The following MSRB3 variants were observed in gnomAD, a reference collection of about 807,000 sequenced individuals.
The protein encoded by MSRB3 is methionine-R-sulfoxide reductase B3.
Under a neutral mutation model 21.0 loss-of-function variants are expected in MSRB3, and 13 were observed. That is an observed-to-expected ratio of 0.62 (90% confidence interval 0.40 to 0.98). MSRB3 has a LOEUF of 0.98. MSRB3 is among the 50% of genes least tolerant of loss of function. MSRB3 has a pLI of 0.00. For missense variants in MSRB3, 199 were observed against 230.3 expected, an observed-to-expected ratio of 0.86 and a Z score of 0.88; for synonymous variants, 87 against 88.6, an observed-to-expected ratio of 0.98 and a Z score of 0.10.
chr12:65,357,272 G>A (rs1195662406), intron 4 of MSRB3, among the ~76,000 whole-genome samples: 1 of 151,762 alleles, frequency 6.6e-6, no homozygotes. Context: ...TCCTGAGTCT[G>A]ACTCCTCTTC....
intron 1 of MSRB3, among the ~76,000 whole-genome samples, chr12:65,298,113 C>T (rs1410934240): frequency 6.6e-6 from 1 of 152,088 alleles, no homozygotes; most frequent in African/African-American, 2.4e-5. Context: ...AAGCAATCCT[C>T]CCGCCTCAGC....
chr12:65,287,419 C>T (rs181835773), intron 1 of MSRB3, among the ~76,000 whole-genome samples: 103 of 152,272 alleles, frequency 6.8e-4, no homozygotes, highest in Admixed American at 1.8e-3. Flanking sequence ...TGAGCCTCCA[C>T]GCCCAGTACA....
chr12:65,439,965 G>C (rs1002610894), intron 5 of MSRB3, among the ~76,000 whole-genome samples: 1 of 151,688 alleles, frequency 6.6e-6, no homozygotes, highest in African/African-American at 2.4e-5. Context: ...AGACCAGTCT[G>C]TGAAGCCACC....
intron 5 of MSRB3, among the ~76,000 whole-genome samples, chr12:65,406,310 CA>C (rs1280326882): frequency 3.9e-5 from 6 of 152,048 alleles, no homozygotes; most frequent in Admixed American, 6.6e-5. Context: ...ACAAACTATC[CA>C]AAAAGAAATC....
chr12:65,326,797 T>C (rs373232387), intron 2 of MSRB3, 29 bp from the exon 3 acceptor site: 1 of 1,576,698 alleles, frequency 6.3e-7, no homozygotes, highest in Non-Finnish European at 8.7e-7. Flanking sequence ...CTAAAAAGGC[T>C]TCTTCTCCCA....
At chr12:65,378,337 G>C (rs1003474375) in intron 5 of MSRB3, among the ~76,000 whole-genome samples, 1 of 152,146 alleles carries the variant, frequency 6.6e-6, no homozygotes, top group East Asian at 1.9e-4. Flanking sequence ...CAATAATGCA[G>C]TATAATAGGT....
At chr12:65,349,003 A>G (rs1244160824) in intron 4 of MSRB3, among the ~76,000 whole-genome samples, 1 of 152,026 alleles carries the variant, frequency 6.6e-6, no homozygotes, top group African/African-American at 2.4e-5. Flanking sequence ...GGTGCGCTGC[A>G]CCCACTAACT....
intron 2 of MSRB3, among the ~76,000 whole-genome samples, chr12:65,322,653 T>C (rs1592523721): frequency 2.3e-5 from 2 of 85,994 alleles, no homozygotes; most frequent in African/African-American, 5.6e-5. Flanking sequence ...AGAGCGAGAC[T>C]CCATCTCAAA....
At chr12:65,456,787 T>C (rs1424407202) in intron 6 of MSRB3, among the ~76,000 whole-genome samples, 1 of 152,242 alleles carries the variant, frequency 6.6e-6, no homozygotes, top group African/African-American at 2.4e-5. Flanking sequence ...GTAAGTTCTA[T>C]GCAGGAGAGA....
Position 65,422,388 on chromosome 12 carries a change from GTATATA to G in MSRB3, c.293-31302_293-31297del, listed in dbSNP as rs59746471. On this transcript the variant is annotated intron_variant, in intron 5 of 6. Transcript: ENST00000308259. ...AATTTTTAATTTTTGGGAGTACATA[GTATATA>G]TATATATATATATATATATATATAT... 1.5e-3 allele frequency among the ~76,000 whole-genome samples: 142 copies of G among 92,448 alleles called. 4 individuals carry two copies. The highest frequency in any genetic ancestry group is 0.014 in the East Asian group (52 of 3,694). The allele number at this position is 92,448 out of a possible 152,430, so 60.6% of individuals were successfully genotyped here. A position where few individuals can be genotyped will look rare whatever the true frequency, so the allele number is the denominator to read the frequency against.
chr12:65,417,368 T>G (rs899609514), intron 5 of MSRB3, among the ~76,000 whole-genome samples: 1 of 152,204 alleles, frequency 6.6e-6, no homozygotes, highest in African/African-American at 2.4e-5. Flanking sequence ...ATTTCCTTTT[T>G]TAACTGACAA....
chr12:65,283,781 T>G (rs1398907991), intron 1 of MSRB3: 1 of 152,188 alleles, frequency 6.6e-6, no homozygotes, highest in Non-Finnish European at 1.5e-5. Context: ...GGTATAACAA[T>G]TCTGACTTTT....
At chr12:65,333,217 A>G (rs1412238810) in intron 4 of MSRB3, among the ~76,000 whole-genome samples, 1 of 152,196 alleles carries the variant, frequency 6.6e-6, no homozygotes, top group Admixed American at 6.5e-5. Flanking sequence ...TTTTTCCTCA[A>G]CGTACTTACT....
At chr12:65,416,834 G>A (rs961805898) in intron 5 of MSRB3, among the ~76,000 whole-genome samples, 5 of 152,142 alleles carry the variant, frequency 3.3e-5, no homozygotes, top group Non-Finnish European at 1.5e-5. Context: ...TACTGGTGGG[G>A]AAACGTGAAG....
intron 2 of MSRB3, among the ~76,000 whole-genome samples, chr12:65,315,673 C>CA (rs3080853): frequency 3.4e-4 from 28 of 82,276 alleles, no homozygotes; most frequent in East Asian, 6.5e-4. Flanking sequence ...GTCTCCATCT[C>CA]AAAAAAAAAA....
At chr12:65,284,345 C>G (rs183060560) in intron 1 of MSRB3, 1 of 152,148 alleles carries the variant, frequency 6.6e-6, no homozygotes, top group Admixed American at 6.5e-5. Context: ...GAAGACCTAA[C>G]GAGAATAGCG....
intron 5 of MSRB3, among the ~76,000 whole-genome samples, chr12:65,413,012 C>A (rs932192075): frequency 2.6e-5 from 4 of 152,188 alleles, no homozygotes; most frequent in African/African-American, 9.6e-5. Flanking sequence ...CATCTGGTCC[C>A]TCCCTTGACA....
At chr12:65,353,013 T>TC (rs1297239497) in intron 4 of MSRB3, among the ~76,000 whole-genome samples, 1 of 151,778 alleles carries the variant, frequency 6.6e-6, no homozygotes, top group Admixed American at 6.6e-5. Context: ...GCCAAGGCAA[T>TC]CCTAAGCCAA....
chr12:65,448,597 T>C (rs191464223), intron 5 of MSRB3, among the ~76,000 whole-genome samples: 1 of 152,312 alleles, frequency 6.6e-6, no homozygotes, highest in East Asian at 1.9e-4. Flanking sequence ...TCCATATGTA[T>C]ATCTGTGCTG....
Sources: allele counts gnomAD v4.1 joint callset (sites outside exome capture counted in the v4.1 genomes callset), GRCh38; gene constraint gnomAD v4.1.1; transcripts MANE v1.5; gene names NCBI Gene and HGNC (gene_info 2026-07-23, HGNC 2026-07-21).